Variants in HERC1 observed in about 807,000 individuals in gnomAD.
The protein encoded by HERC1 is probable E3 ubiquitin-protein ligase HERC1.
HERC1 carries 160 observed loss-of-function variants against 554.3 expected under a neutral mutation model. The ratio of observed to expected loss-of-function variants is 0.29; its 90% confidence interval spans 0.25 to 0.33. The LOEUF (loss-of-function observed/expected upper bound fraction) is 0.33. HERC1 is among the 10% of genes least tolerant of loss of function. The probability of loss-of-function intolerance (pLI) is 1.00; values close to 1 mark genes in which losing one functional copy is unlikely to be tolerated. For missense variants in HERC1, 4,919 were observed against 5,918.5 expected (o/e 0.83, Z 5.54); for synonymous variants, 2,175 against 2,131.7 (o/e 1.02, Z -0.56).
At chr15:63,637,159 T>C (rs1291860675) in intron 64 of HERC1, 7 of 461,712 alleles carry the variant, frequency 1.5e-5, no homozygotes, top group South Asian at 7.8e-5. Context: ...CAGATTTCCA[T>C]ATAAACTGAT....
Position 63,680,720 on chromosome 15 carries a change from G to C in HERC1, c.6282C>G (p.Arg2094=). Residue 2094 remains arginine (R), a synonymous_variant, in exon 35 of 78, where the codon CGC becomes CGG. Transcript: ENST00000443617. The surrounding 1 kb of genome is among the most constrained non-coding windows in gnomAD (Gnocchi z 5.8). ...GGTGATTAAAGTCATGTACTGGCCA[G>C]CGAGAAACTCCAACACACGTGCCTT... ...GNEGTCVGVS[R]WPVHDFNHRT... 6.2e-7 allele frequency: 1 copy of C among 1,613,228 alleles called. No individual in the cohort carries two copies. The highest frequency in any genetic ancestry group is 8.5e-7 in the Non-Finnish European group (1 of 1,179,242).
Position 63,643,448 on chromosome 15 carries a change from C to G in HERC1, c.11287G>C (p.Val3763Leu). Residue 3763 changes from valine (V) to leucine (L), a missense_variant, in exon 58 of 78, where the codon GTG becomes CTG. Around this residue, in one of 11 missense-constraint regions of HERC1, gnomAD observed 1,963 missense variants for 2,228.6 expected, o/e 0.88. Transcript: ENST00000443617. ...VAFSSDGLAL[V>L]SGGLGGLMNI... The stretch of plus-strand genomic sequence containing the variant: ...ATGAGCCCACCTAGTCCACCAGACA[C>G]CAGGGCCAACCCATCAGAACTAAAG... The G allele has an allele frequency of 6.2e-7, 1 of 1,613,468 alleles. No homozygotes were observed.
chr15:63,649,672 T>C, intron 54 of HERC1, 53 bp downstream of exon 54: 1 of 1,448,380 alleles, frequency 6.9e-7, no homozygotes, highest in East Asian at 2.4e-5. Flanking sequence ...AAAAGCTAAG[T>C]CTAGAAAGGA....
chr15:63,688,881 G>A (rs1397809005), intron 33 of HERC1, among the ~76,000 whole-genome samples: 2 of 152,148 alleles, frequency 1.3e-5, no homozygotes, highest in East Asian at 1.9e-4. Context: ...GACAAAAAAA[G>A]GGGCTGGGGG....
Position 63,616,655 on chromosome 15 carries a change from G to A in HERC1, c.13716C>T (p.Leu4572=), listed in dbSNP as rs61751108. 11,431 of 1,613,650 alleles carry A rather than the reference G, an allele frequency of 7.1e-3. 64 individuals carry two copies. The highest frequency in any genetic ancestry group is 7.7e-3 in the Non-Finnish European group (9,036 of 1,179,716). The change falls in exon 75 of 78, where the codon CTC becomes CTT. Residue 4572 remains leucine, a synonymous_variant. Coordinates refer to ENST00000443617, the MANE Select transcript of HERC1 (RefSeq NM_003922.4). ...ACTTAAACTGCATTAAGTGTTCATC[G>A]AGGCAGGCAGAAGGGTTAAAAAGGA... ...DRFLFNPSAC[L]DEHLMQFKFL...
chr15:63,723,350 A>T lies in HERC1; in HGVS notation c.3574T>A (p.Cys1192Ser). 6.5e-7 allele frequency: 1 copy of T among 1,548,120 alleles called. No individual in the cohort carries two copies. Residue 1192 changes from cysteine (C) to serine (S), a missense_variant, in exon 19 of 78, where the codon TGT becomes AGT. Cys to Ser is a moderately radical substitution (Grantham distance 112). Transcript: ENST00000443617. ...GCTACTTCTAACAGGCAACTCATAC[A>T]TTTATCTAAAAAAAATACTCACGTT... ...VEMDTPQLDK[C>S]MSCLLEVALS...
chr15:63,630,687 A>G, intron 68 of HERC1, 52 bp from the exon 69 acceptor site: 1 of 1,531,754 alleles, frequency 6.5e-7, no homozygotes, highest in South Asian at 1.2e-5. Context: ...CACACAACAC[A>G]GTGCTTTTAT....
chr15:63,739,195 C>CTTTT (rs1205943240), intron 12 of HERC1, among the ~76,000 whole-genome samples: 2,796 of 102,204 alleles, frequency 0.027, 175 homozygotes, highest in Non-Finnish European at 0.041. Context: ...CACTAATATA[C>CTTTT]TTTTTTTTTT....
At position 63,814,056 on chromosome 15, in the gene HERC1, T is replaced by C. The variant is rs571455866; in HGVS notation, c.-27+19771A>G. Among the ~76,000 whole-genome samples, 101 of 152,082 alleles carry C rather than the reference T, an allele frequency of 6.6e-4. 3 individuals are homozygous for C. The South Asian group carries it at 0.018, about 27-fold the overall frequency. On this transcript the variant is annotated intron_variant, in intron 1 of 77. Transcript: ENST00000443617. ...CCTGGGTGACAAGCGCAAAACTCCA[T>C]CTCAAAAAACAAAAAACAAACAACA...
chr15:63,831,724 T>C (rs943353515), intron 1 of HERC1, among the ~76,000 whole-genome samples: 5 of 152,180 alleles, frequency 3.3e-5, no homozygotes, highest in African/African-American at 1.2e-4. Context: ...TTGGAATTGT[T>C]ATTACTATTT....
chr15:63,712,845 T>C lies in HERC1; in HGVS notation c.4514A>G (p.Tyr1505Cys), dbSNP rs567272238. 6.8e-6 allele frequency: 11 copies of C among 1,613,810 alleles called. No homozygotes were observed. The highest frequency in any genetic ancestry group is 7.6e-6 in the Non-Finnish European group (9 of 1,179,786). The change falls in exon 24 of 78, where the codon TAT becomes TGT. Residue 1505 changes from tyrosine (Y) to cysteine (C), a missense_variant. Tyr to Cys is a radical substitution (Grantham distance 194). Around this residue, in one of 11 missense-constraint regions of HERC1, gnomAD observed 1,121 missense variants for 1,244.0 expected, o/e 0.90. Coordinates refer to ENST00000443617, the MANE Select transcript of HERC1 (RefSeq NM_003922.4). The stretch of plus-strand genomic sequence containing the variant: ...TTCACTCCTCGATTTGATCAGTCTA[T>C]AATTTGGGCTTGTGTGGACTAGCCG... The part of the protein sequence containing the change: ...ESRLVHTSPN[Y>C]RLIKSRSESD...
chr15:63,706,868 T>A, intron 24 of HERC1, 37 bp from the exon 25 acceptor site: 1 of 1,315,216 alleles, frequency 7.6e-7, no homozygotes, highest in South Asian at 1.3e-5. Context: ...AAAATTTAGT[T>A]GTGAAAAGTA....
Position 63,725,433 on chromosome 15 carries a change from T to G in HERC1, c.3427A>C (p.Arg1143=), listed in dbSNP as rs1355155535. 1.9e-6 allele frequency: 3 copies of G among 1,613,766 alleles called. No individual in the cohort carries two copies. The highest frequency in any genetic ancestry group is 2.5e-6 in the Non-Finnish European group (3 of 1,179,870). ...QSWVWLVDLE[R]TIALLIGRCL... ...CGCCCAATAAGGAGAGCAATTGTTC[T>G]TTCTAGATCCACAAGCCATACCCAG... The change falls in exon 18 of 78, where the codon AGA becomes CGA. Residue 1143 remains arginine (R), a synonymous_variant. Transcript: ENST00000443617.
chr15:63,653,247 C>T (rs1157257794), intron 51 of HERC1, among the ~76,000 whole-genome samples: 1 of 151,984 alleles, frequency 6.6e-6, no homozygotes, highest in South Asian at 2.1e-4. Context: ...TTGAGACCAG[C>T]CTGGCCAACA....
chr15:63,638,656 T>G, intron 62 of HERC1, 55 bp downstream of exon 62: 8 of 1,588,074 alleles, frequency 5.0e-6, no homozygotes, highest in Non-Finnish European at 6.9e-6. Context: ...CACAAGCATT[T>G]AGAATCAAAA....
At chr15:63,648,321 C>T (rs2069465668) in intron 54 of HERC1, 122 bp from the exon 55 acceptor site, 2 of 942,724 alleles carry the variant, frequency 2.1e-6, no homozygotes, top group Non-Finnish European at 3.1e-6. Context: ...TTCCAAATAG[C>T]TCTTTAATGC....
intron 25 of HERC1, among the ~76,000 whole-genome samples, chr15:63,701,023 T>TG (rs35700740): frequency 6.6e-5 from 10 of 151,724 alleles, no homozygotes; most frequent in Admixed American, 2.6e-4. Flanking sequence ...ACTTGTTTTT[T>TG]GGGGGGGTGT....
chr15:63,658,514 T>G, intron 48 of HERC1, 30 bp downstream of exon 48: 1 of 1,583,130 alleles, frequency 6.3e-7, no homozygotes, highest in Non-Finnish European at 8.6e-7. Context: ...GAAGTTAACT[T>G]AGCATCATGT....
chr15:63,698,661 C>T (rs1165463021), intron 26 of HERC1, 67 bp downstream of exon 26: 9 of 1,472,532 alleles, frequency 6.1e-6, no homozygotes, highest in Non-Finnish European at 8.3e-6. Context: ...TTCCCTAGAA[C>T]TATACATTCA....
Sources: gnomAD v4.1 joint callset for allele counts (sites outside exome capture counted in the v4.1 genomes callset) on GRCh38, gnomAD v4.1.1 for gene constraint, gnomAD v4.1.1 regional missense constraint, Gnocchi (gnomAD v3.1) non-coding constraint, MANE v1.5 for transcripts, NCBI Gene and HGNC (gene_info 2026-07-23, HGNC 2026-07-21) for gene names.